The following PCDH15 variants were observed in gnomAD, a reference collection of about 807,000 sequenced individuals.
The protein encoded by PCDH15 is protocadherin related 15.
A neutral mutation model predicts 178.5 loss-of-function variants in PCDH15; 129 were observed. The observed-to-expected ratio is 0.72, with a 90% CI of 0.63 to 0.84. The LOEUF is 0.84. Among genes scored for constraint, PCDH15 ranks in the 40% least tolerant of loss-of-function variants. The pLI, the probability that PCDH15 is intolerant of heterozygous loss-of-function variation, is 0.00. For missense variants in PCDH15, 2,230 were observed against 2,099.9 expected, an observed-to-expected ratio of 1.06 and a Z score of -1.21; for synonymous variants, 800 against 732.0, an observed-to-expected ratio of 1.09 and a Z score of -1.50.
intron 1 of PCDH15, among the ~76,000 whole-genome samples, chr10:55,212,011 C>A (rs1367783457): frequency 6.6e-6 from 1 of 152,050 alleles, no homozygotes; most frequent in Non-Finnish European, 1.5e-5. Flanking sequence ...TGGAAGCTTG[C>A]ACGGTGGAAT....
chr10:53,960,162 A>G (rs535869425), intron 22 of PCDH15, among the ~76,000 whole-genome samples: 126 of 152,348 alleles, frequency 8.3e-4, no homozygotes, highest in African/African-American at 3.0e-3. Context: ...CTCCAATTAA[A>G]GACTCATTTC....
At chr10:54,548,640 A>G (rs2086164592) in intron 2 of PCDH15, among the ~76,000 whole-genome samples, 1 of 58,668 alleles carries the variant, frequency 1.7e-5, no homozygotes, top group Non-Finnish European at 4.6e-5. Context: ...ATAAATATAT[A>G]ATACTTATAT....
chr10:54,424,214 C>G (rs1262382477), intron 3 of PCDH15, among the ~76,000 whole-genome samples: 1 of 151,900 alleles, frequency 6.6e-6, no homozygotes, highest in Non-Finnish European at 1.5e-5. Context: ...TGAACAGACA[C>G]TTCTCAAAAG....
intron 2 of PCDH15, among the ~76,000 whole-genome samples, chr10:55,494,777 G>C (rs987569708): frequency 1.3e-5 from 2 of 151,522 alleles, no homozygotes; most frequent in African/African-American, 4.8e-5. Flanking sequence ...ACTTTTATAA[G>C]TTTGTTATGA....
At chr10:54,665,283 GT>G (rs1486782813) in intron 1 of PCDH15, among the ~76,000 whole-genome samples, 1 of 151,982 alleles carries the variant, frequency 6.6e-6, no homozygotes, top group East Asian at 1.9e-4. Flanking sequence ...GCAAGCCAGT[GT>G]TTCTGGGTCT....
chr10:54,488,666 T>C (rs1216390062), intron 3 of PCDH15, among the ~76,000 whole-genome samples: 2 of 151,976 alleles, frequency 1.3e-5, no homozygotes, highest in Non-Finnish European at 2.9e-5. Context: ...CTTTTGTTTA[T>C]TAAGGGAAAA....
chr10:54,419,716 C>A (rs971180964), intron 3 of PCDH15, among the ~76,000 whole-genome samples: 7 of 152,076 alleles, frequency 4.6e-5, no homozygotes, highest in African/African-American at 1.7e-4. Flanking sequence ...ACTATCAATT[C>A]CCCTTAAAGC....
At chr10:55,303,326 C>A (rs569771814) in intron 1 of PCDH15, among the ~76,000 whole-genome samples, 8 of 152,244 alleles carry the variant, frequency 5.3e-5, no homozygotes, top group African/African-American at 1.7e-4. Context: ...AGTAGTCTTG[C>A]TTGAATCAGA....
intron 8 of PCDH15, among the ~76,000 whole-genome samples, chr10:54,299,148 A>AGG (rs2059985771): frequency 6.6e-6 from 1 of 152,160 alleles, no homozygotes; most frequent in Non-Finnish European, 1.5e-5. Context: ...GAAAGGAAAG[A>AGG]GAGAAAGAGA....
At chr10:55,502,528 C>T (rs1039426840) in intron 2 of PCDH15, among the ~76,000 whole-genome samples, 7 of 151,722 alleles carry the variant, frequency 4.6e-5, no homozygotes, top group Non-Finnish European at 3.0e-5. Flanking sequence ...TGTCTTATTG[C>T]GCAGTGATAA....
At chr10:54,029,325 T>C (rs984954974) in intron 18 of PCDH15, among the ~76,000 whole-genome samples, 11 of 152,298 alleles carry the variant, frequency 7.2e-5, no homozygotes, top group South Asian at 6.2e-4. Context: ...TAAAAGTTAA[T>C]TAAATTTGTT....
intron 2 of PCDH15, among the ~76,000 whole-genome samples, chr10:55,036,865 T>G (rs1047145172): frequency 1.3e-5 from 2 of 152,202 alleles, no homozygotes; most frequent in African/African-American, 4.8e-5. Flanking sequence ...AAATTCACCT[T>G]GTATGAGAGA....
intron 20 of PCDH15, among the ~76,000 whole-genome samples, chr10:53,998,296 G>T (rs1308756822): frequency 1.3e-5 from 2 of 152,106 alleles, no homozygotes. Context: ...AGAGTATTCT[G>T]AATGTTATGA....
chr10:54,978,027 G>T (rs1471451813), intron 2 of PCDH15, among the ~76,000 whole-genome samples: 1 of 152,204 alleles, frequency 6.6e-6, no homozygotes, highest in African/African-American at 2.4e-5. Context: ...TCTTAGCCTA[G>T]TTCTTAATAT....
chr10:55,117,975 G>A (rs776055359), intron 2 of PCDH15, among the ~76,000 whole-genome samples: 5 of 152,076 alleles, frequency 3.3e-5, no homozygotes, highest in Non-Finnish European at 5.9e-5. Flanking sequence ...TTATGCAAAC[G>A]GAGGCCTTGT....
At chr10:54,225,980 C>T (rs2053398512) in intron 9 of PCDH15, among the ~76,000 whole-genome samples, 1 of 151,792 alleles carries the variant, frequency 6.6e-6, no homozygotes, top group East Asian at 1.9e-4. Flanking sequence ...TTTAGAGAAA[C>T]AAAACAAATA....
intron 1 of PCDH15, among the ~76,000 whole-genome samples, chr10:55,172,786 G>A (rs1839374335): frequency 6.6e-6 from 1 of 151,872 alleles, no homozygotes; most frequent in Non-Finnish European, 1.5e-5. Flanking sequence ...GCCTATGTAT[G>A]TTAAAACAAG....
chr10:55,227,392 A>G (rs969000152), intron 1 of PCDH15, among the ~76,000 whole-genome samples: 8 of 152,146 alleles, frequency 5.3e-5, no homozygotes, highest in Non-Finnish European at 1.0e-4. Flanking sequence ...ACATACCTCA[A>G]TTAAGAACAA....
At chr10:54,781,492 TAC>T (rs1438879405) in intron 1 of PCDH15, among the ~76,000 whole-genome samples, 3 of 152,160 alleles carry the variant, frequency 2.0e-5, no homozygotes, top group Non-Finnish European at 4.4e-5. Flanking sequence ...GTACATTTCA[TAC>T]ACAGTTTATC....
Sources: allele counts gnomAD v4.1 joint callset (sites outside exome capture counted in the v4.1 genomes callset), GRCh38; gene constraint gnomAD v4.1.1; transcripts MANE v1.5; gene names NCBI Gene and HGNC (gene_info 2026-07-23, HGNC 2026-07-21).